Variants in SLC24A2 observed in about 807,000 individuals in gnomAD.
The protein encoded by SLC24A2 is solute carrier family 24 member 2.
SLC24A2 carries 36 observed loss-of-function variants against 62.0 expected under a neutral mutation model. The ratio of observed to expected loss-of-function variants is 0.58; its 90% CI spans 0.44 to 0.77. The LOEUF is 0.77. Ranked by LOEUF, SLC24A2 falls within the 30% of genes least tolerant of loss-of-function variation. The pLI, the probability that SLC24A2 is intolerant of heterozygous loss-of-function variation, is 0.00. For synonymous variants in SLC24A2, 358 were observed against 294.0 expected, an observed-to-expected ratio of 1.22 and a Z score of -2.23; for missense variants, 846 against 817.9, an observed-to-expected ratio of 1.03 and a Z score of -0.42.
chr9:20,209,239 T>C, the SLC24A2 span, among the ~76,000 whole-genome samples: 2 of 152,198 alleles, frequency 1.3e-5, no homozygotes, highest in African/African-American at 4.8e-5. Context: ...GACTGTTTTA[T>C]TCCCATATGT....
chr9:19,734,059 GGATGTTC>G (rs1298953070), intron 2 of SLC24A2, among the ~76,000 whole-genome samples: 10 of 152,070 alleles, frequency 6.6e-5, no homozygotes, highest in Admixed American at 5.9e-4. Flanking sequence ...AACAGTTTAG[GGATGTTC>G]TTAACTACAT....
chr9:20,175,988 G>A, the SLC24A2 span, among the ~76,000 whole-genome samples: 44 of 152,130 alleles, frequency 2.9e-4, no homozygotes, highest in African/African-American at 1.1e-3. Context: ...GAAGGATGTG[G>A]AGGATTTGGA....
At chr9:19,839,265 A>G in the SLC24A2 span, among the ~76,000 whole-genome samples, 1 of 152,234 alleles carries the variant, frequency 6.6e-6, no homozygotes, top group Non-Finnish European at 1.5e-5. Context: ...GGATGTGGAG[A>G]AATAGGAACA....
the SLC24A2 span, among the ~76,000 whole-genome samples, chr9:20,281,485 A>T: frequency 5.5e-4 from 84 of 152,152 alleles, no homozygotes; most frequent in African/African-American, 2.0e-3. Context: ...CTCGGTCACT[A>T]CTCTCCCACA....
the SLC24A2 span, among the ~76,000 whole-genome samples, chr9:20,302,099 T>C: frequency 6.6e-6 from 1 of 152,208 alleles, no homozygotes; most frequent in African/African-American, 2.4e-5. Context: ...TAATATTCCA[T>C]TGCATGGACA....
the SLC24A2 span, among the ~76,000 whole-genome samples, chr9:19,823,194 C>T: frequency 6.6e-6 from 1 of 151,984 alleles, no homozygotes; most frequent in South Asian, 2.1e-4. Flanking sequence ...TTTAGATCCC[C>T]CTATATGTTT....
At chr9:19,583,051 A>G (rs375087547) in intron 5 of SLC24A2, among the ~76,000 whole-genome samples, 1 of 152,130 alleles carries the variant, frequency 6.6e-6, no homozygotes. Context: ...AGAACATGGC[A>G]CTTACTTCTC....
At chr9:20,065,075 T>C in the SLC24A2 span, among the ~76,000 whole-genome samples, 2 of 152,346 alleles carry the variant, frequency 1.3e-5, no homozygotes, top group South Asian at 4.1e-4. Context: ...TGTGTTTGTA[T>C]TCTCAAACCC....
intron 4 of SLC24A2, among the ~76,000 whole-genome samples, chr9:19,600,332 A>T (rs1587015668): frequency 6.6e-6 from 1 of 151,966 alleles, no homozygotes; most frequent in African/African-American, 2.4e-5. Context: ...GTATATTACT[A>T]CCCCTCTAAC....
chr9:20,157,675 G>C, the SLC24A2 span, among the ~76,000 whole-genome samples: 1 of 151,574 alleles, frequency 6.6e-6, no homozygotes, highest in Non-Finnish European at 1.5e-5. Context: ...GTTTCTGGTG[G>C]AGAATCAAAT....
At chr9:19,989,133 G>C in the SLC24A2 span, among the ~76,000 whole-genome samples, 4 of 152,120 alleles carry the variant, frequency 2.6e-5, no homozygotes, top group East Asian at 7.8e-4. Flanking sequence ...TAATAAATAT[G>C]TATTTACATT....
chr9:19,965,154 G>C, the SLC24A2 span, among the ~76,000 whole-genome samples: 4 of 152,048 alleles, frequency 2.6e-5, no homozygotes, highest in Non-Finnish European at 4.4e-5. Context: ...GAAGAGAAAA[G>C]GTAGAAGTAA....
the SLC24A2 span, among the ~76,000 whole-genome samples, chr9:20,011,130 T>C: frequency 1.3e-5 from 2 of 152,174 alleles, no homozygotes; most frequent in South Asian, 4.1e-4. Context: ...TATCCAGTAA[T>C]GGGATGGCTG....
At chr9:20,159,975 C>A in the SLC24A2 span, among the ~76,000 whole-genome samples, 1 of 151,506 alleles carries the variant, frequency 6.6e-6, no homozygotes. Context: ...GATAGGCTTA[C>A]CTTGCTTATT....
rs78403561 is a variant in SLC24A2 at position 19,551,970 on chromosome 9, C to T, written c.1348-1702G>A. Among the ~76,000 whole-genome samples the T allele has an allele frequency of 7.9e-3, 1,200 of 152,204 alleles. 24 individuals are homozygous for T. The highest frequency in any genetic ancestry group is 0.045 in the Admixed American group (681 of 15,290). Reference sequence around the variant, plus strand: ...TTCTGCTTTGGGTATATGTCCTTGGCAGTGGGTAAAAGAATTTGTAAACAG... The same window carrying T: ...TTCTGCTTTGGGTATATGTCCTTGGTAGTGGGTAAAAGAATTTGTAAACAG... On this transcript the variant is annotated intron_variant, in intron 7 of 10. Coordinates refer to ENST00000341998, the MANE Select transcript of SLC24A2 (RefSeq NM_020344.4).
the SLC24A2 span, among the ~76,000 whole-genome samples, chr9:19,870,395 T>C: frequency 1.3e-5 from 2 of 152,204 alleles, no homozygotes; most frequent in Non-Finnish European, 1.5e-5. Context: ...TGTACAGATA[T>C]ACCACATCTT....
the SLC24A2 span, among the ~76,000 whole-genome samples, chr9:19,997,948 C>T: frequency 6.6e-6 from 1 of 152,096 alleles, no homozygotes; most frequent in Non-Finnish European, 1.5e-5. Context: ...CCAATAGGCC[C>T]TCCTAGTTAC....
chr9:19,933,409 A>C, the SLC24A2 span, among the ~76,000 whole-genome samples: 1 of 152,212 alleles, frequency 6.6e-6, no homozygotes, highest in Non-Finnish European at 1.5e-5. Flanking sequence ...CTCTTAATAA[A>C]GTATAAAATG....
chr9:19,980,608 G>T, the SLC24A2 span, among the ~76,000 whole-genome samples: 12 of 152,106 alleles, frequency 7.9e-5, no homozygotes, highest in African/African-American at 2.7e-4. Context: ...TTAATATGAG[G>T]TGGTAAGATA....
Sources: allele counts gnomAD v4.1 joint callset (sites outside exome capture counted in the v4.1 genomes callset), GRCh38; gene constraint gnomAD v4.1.1; transcripts MANE v1.5; gene names NCBI Gene and HGNC (gene_info 2026-07-23, HGNC 2026-07-21).